Variants in HNRNPD observed in about 807,000 individuals in gnomAD.
The protein encoded by HNRNPD is heterogeneous nuclear ribonucleoprotein D, also known as heterogeneous nuclear ribonucleoprotein D0.
HNRNPD carries 3 observed loss-of-function variants against 47.9 expected under a neutral mutation model. The ratio of observed to expected loss-of-function variants is 0.06; its 90% CI spans 0.03 to 0.16. HNRNPD has a LOEUF of 0.16. HNRNPD is among the 10% of genes least tolerant of loss of function. The probability of loss-of-function intolerance (pLI) is 1.00; values close to 1 mark genes in which losing one functional copy is unlikely to be tolerated. For synonymous variants in HNRNPD, 171 were observed against 165.1 expected, an observed-to-expected ratio of 1.04 and a Z score of -0.28; for missense variants, 287 against 454.2, an observed-to-expected ratio of 0.63 and a Z score of 3.35.
chr4:82,362,144 T>C (rs527846633), intron 2 of HNRNPD, among the ~76,000 whole-genome samples: 2 of 152,354 alleles, frequency 1.3e-5, no homozygotes, highest in South Asian at 4.1e-4. Flanking sequence ...TTTAACACTA[T>C]GGCTCAGACA....
chr4:82,355,216 C>T (rs2109987780), intron 8 of HNRNPD, 88 bp downstream of exon 8: 1 of 758,424 alleles, frequency 1.3e-6, no homozygotes, highest in Non-Finnish European at 2.2e-6. Context: ...TGCTGTGAAA[C>T]TCTTAAATTA....
intron 4 of HNRNPD, chr4:82,357,794 G>A (rs62311637): frequency 0.17 from 29,534 of 169,804 alleles, 3,067 homozygotes; most frequent in Non-Finnish European, 0.23. Context: ...CAGGAAGTAG[G>A]GTGGTGAGGA....
intron 2 of HNRNPD, among the ~76,000 whole-genome samples, chr4:82,367,765 A>G (rs1280185649): frequency 6.6e-6 from 1 of 152,200 alleles, no homozygotes; most frequent in Non-Finnish European, 1.5e-5. Context: ...AACGTACAAT[A>G]TAATACTCCA....
chr4:82,356,211 A>G (rs979420113), intron 7 of HNRNPD: 4 of 228,580 alleles, frequency 1.7e-5, no homozygotes, highest in Non-Finnish European at 3.4e-5. Flanking sequence ...AAGACACATC[A>G]TGCCAAGATT....
chr4:82,358,863 C>G (rs768691679), intron 3 of HNRNPD, 43 bp from the exon 4 acceptor site: 1 of 1,411,484 alleles, frequency 7.1e-7, no homozygotes. Flanking sequence ...TATATCTTAA[C>G]TGAAGTTCAG....
Position 82,373,596 on chromosome 4 carries a change from C to T in HNRNPD, c.83G>A (p.Gly28Glu). 1 of 1,531,588 alleles carries T rather than the reference C, an allele frequency of 6.5e-7. No individual in the cohort carries two copies. The highest frequency in any genetic ancestry group is 8.7e-7 in the Non-Finnish European group (1 of 1,143,308). 94.9% of individuals were successfully genotyped at this position (1,531,588 alleles called of 1,614,324 possible). A position where few individuals can be genotyped will look rare whatever the true frequency, so the allele number is the denominator to read the frequency against. Residue 28 changes from glycine to glutamate, a missense_variant, in exon 1 of 9, where the codon GGA (glycine) becomes GAA (glutamate). Gly to Glu is a moderately conservative substitution (Grantham distance 98, BLOSUM62 -2). Transcript: ENST00000313899. The stretch of plus-strand genomic sequence containing the variant: ...CCCCTGTGTCGCCGCCACCATGGCT[C>T]CCTCCTGCTCGCCCGCCGAGCCGCC... ...AVGGSAGEQE[G>E]AMVAATQGAA...
At chr4:82,369,858 C>G (rs13114644) in intron 2 of HNRNPD, among the ~76,000 whole-genome samples, 27,940 of 152,088 alleles carry the variant, frequency 0.18, 2,829 homozygotes, top group Non-Finnish European at 0.23. Flanking sequence ...ATCAACCTGG[C>G]TAGGCCGGGC....
chr4:82,370,981 T>TATAC lies in HNRNPD; in HGVS notation c.290+546_290+547insGTAT, dbSNP rs142474751. Among the ~76,000 whole-genome samples, 398 of 149,460 alleles carry TATAC rather than the reference T, an allele frequency of 2.7e-3. 2 individuals carry two copies. The highest frequency in any genetic ancestry group is 7.0e-3 in the African/African-American group (284 of 40,636). On this transcript the variant is annotated intron_variant, in intron 2 of 8. Transcript: ENST00000313899. ...AGCCCACCTTTTAATGGTATATATA[T>TATAC]ACACACACACACACACACACACACT...
At position 82,373,568 on chromosome 4, in the gene HNRNPD, T is replaced by C; in HGVS notation, c.111A>G (p.Ala37=). ...CGGCTCCGCTTCCCGCCGCCGCCGC[T>C]GCCCCCTGTGTCGCCGCCACCATGG... ...EGAMVAATQG[A]AAAAGSGAGT... is the part of the protein sequence containing the mutation. Residue 37 remains alanine (A), a synonymous_variant, in exon 1 of 9, where the codon GCA becomes GCG. Coordinates refer to ENST00000313899, the MANE Select transcript of HNRNPD (RefSeq NM_031370.3). 6.5e-7 allele frequency: 1 copy of C among 1,537,292 alleles called. No individual in the cohort carries two copies. The highest frequency in any genetic ancestry group is 8.7e-7 in the Non-Finnish European group (1 of 1,143,250).
chr4:82,363,065 T>TAC (rs1719563179), intron 2 of HNRNPD, among the ~76,000 whole-genome samples: 4 of 150,516 alleles, frequency 2.7e-5, no homozygotes, highest in African/African-American at 7.4e-5. Flanking sequence ...TATATATATA[T>TAC]ACATTTACAA....
At position 82,373,467 on chromosome 4, in the gene HNRNPD, C is replaced by T; in HGVS notation, c.212G>A (p.Ser71Asn). The T allele has an allele frequency of 6.4e-7, 1 of 1,568,502 alleles. No individual in the cohort carries two copies. Among genetic ancestry groups the T allele is most frequent in the African/African-American group, 1.4e-5 (1 of 73,914 alleles). Reference sequence around the variant, plus strand: ...TCACCCTTCATCCTCCTCGTTCTTACTGGCGTCAATCTTCGCCCCCTCCGA... The same window carrying T: ...TCACCCTTCATCCTCCTCGTTCTTATTGGCGTCAATCTTCGCCCCCTCCGA... ...AESEGAKIDASKNEEDEGHSN... is the reference protein window; with the variant it reads ...AESEGAKIDANKNEEDEGHSN... The change falls in exon 1 of 9, where the codon AGT (serine) becomes AAT (asparagine). Residue 71 changes from serine (S) to asparagine (N), a missense_variant. By Grantham distance (46) the Ser-to-Asn change is conservative. This residue lies in a region of HNRNPD where 161 missense variants were observed against 137.1 expected (regional missense o/e 1.17). Coordinates refer to ENST00000313899, the MANE Select transcript of HNRNPD (RefSeq NM_031370.3).
chr4:82,361,112 T>C (rs1337373581), intron 2 of HNRNPD, among the ~76,000 whole-genome samples: 1 of 152,226 alleles, frequency 6.6e-6, no homozygotes, highest in African/African-American at 2.4e-5. Flanking sequence ...CCATAATGTT[T>C]TGTGTATTTG....
intron 2 of HNRNPD, among the ~76,000 whole-genome samples, chr4:82,368,716 T>C (rs1719884704): frequency 2.0e-5 from 3 of 152,188 alleles, no homozygotes. Flanking sequence ...CTGTACTGAA[T>C]CAAAGGCCAG....
chr4:82,358,467 G>A, intron 4 of HNRNPD, 192 bp downstream of exon 4: 2 of 540,160 alleles, frequency 3.7e-6, no homozygotes, highest in Non-Finnish European at 6.5e-6. Flanking sequence ...TAGAGTAGGT[G>A]CTCAATGAGA....
chr4:82,362,947 A>G (rs1438913382), intron 2 of HNRNPD, among the ~76,000 whole-genome samples: 2 of 152,012 alleles, frequency 1.3e-5, no homozygotes, highest in African/African-American at 2.4e-5. Context: ...GCTTATCTTA[A>G]TTATGGATAA....
At position 82,352,997 on chromosome 4, in the gene HNRNPD, G is replaced by A. The variant is rs1442442756; in HGVS notation, c.*1188C>T. The A allele has an allele frequency of 6.6e-6, 1 of 152,140 alleles. No individual in the cohort carries two copies. Among genetic ancestry groups the A allele is most frequent in the Non-Finnish European group, 1.5e-5 (1 of 68,018 alleles). The allele number at this position is 152,140 out of a possible 1,614,324, so 9.4% of individuals were successfully genotyped here. On this transcript the variant is annotated 3_prime_UTR_variant, in exon 9 of 9. Coordinates refer to ENST00000313899, the MANE Select transcript of HNRNPD (RefSeq NM_031370.3). Reference sequence around the variant, plus strand: ...GCAGTCTGAAGTAACTGACTGCACAGCCTTAGATTACCACTCAGGGTGGAA... The same window carrying A: ...GCAGTCTGAAGTAACTGACTGCACAACCTTAGATTACCACTCAGGGTGGAA...
Position 82,359,618 on chromosome 4 carries a change from A to G in HNRNPD, c.312T>C (p.Leu104=). Residue 104 remains leucine, a synonymous_variant, in exon 3 of 9, where the codon CTT becomes CTC. Coordinates refer to ENST00000313899, the MANE Select transcript of HNRNPD (RefSeq NM_031370.3). ...REEWKMFIGG[L]SWDTTKKDLK... ...GATCTTTCTTTGTAGTGTCCCAGCT[A>G]AGGCCTCCTATAAACATTTTCCTGT... is the stretch of plus-strand genomic sequence containing the variant. 1 of 1,566,346 alleles carries G rather than the reference A, an allele frequency of 6.4e-7. No homozygotes were observed. The highest frequency in any genetic ancestry group is 8.7e-7 in the Non-Finnish European group (1 of 1,145,982).
intron 2 of HNRNPD, among the ~76,000 whole-genome samples, chr4:82,370,977 T>TACACACACACACAC (rs755789567): frequency 1.3e-3 from 45 of 34,536 alleles, no homozygotes; most frequent in African/African-American, 3.9e-3. Context: ...TAATGGTATA[T>TACACACACACACAC]ATATACACAC....
rs753454776 is a variant in HNRNPD at position 82,354,013 on chromosome 4, C to T, written c.*172G>A. The T allele has an allele frequency of 6.6e-6, 1 of 152,620 alleles. No individual in the cohort carries two copies. Among genetic ancestry groups the T allele is most frequent in the Non-Finnish European group, 1.5e-5 (1 of 68,040 alleles). The allele number at this position is 152,620 out of a possible 1,614,324, so 9.5% of individuals were successfully genotyped here. On this transcript the variant is annotated 3_prime_UTR_variant, in exon 9 of 9. Transcript: ENST00000313899. ...GAAAGCAAATTTCTTTTAATGAGAA[C>T]TCAGAATTAAACTTCAGAGGGACCC...
Sources: allele counts gnomAD v4.1 joint callset (sites outside exome capture counted in the v4.1 genomes callset), GRCh38; gene constraint gnomAD v4.1.1; regional missense constraint gnomAD v4.1.1; transcripts MANE v1.5; gene names NCBI Gene and HGNC (gene_info 2026-07-23, HGNC 2026-07-21).